Variants in LRRC4C observed in about 807,000 individuals in gnomAD.
LRRC4C encodes leucine rich repeat containing 4C, also known as leucine-rich repeat-containing protein 4C.
In LRRC4C, 5 loss-of-function variants were observed where a neutral mutation model predicts 33.6. That is an observed-to-expected ratio of 0.15 (90% CI 0.08 to 0.31). LRRC4C has a LOEUF of 0.31. Ranked by LOEUF, LRRC4C falls within the 10% of genes least tolerant of loss-of-function variation. The pLI is 1.00. For missense variants in LRRC4C, 560 were observed against 796.7 expected (o/e 0.70, Z 3.58); for synonymous variants, 329 against 302.0 (o/e 1.09, Z -0.93).
At chr11:40,680,042 G>A (rs774728270) in intron 2 of LRRC4C, among the ~76,000 whole-genome samples, 47 of 152,144 alleles carry the variant, frequency 3.1e-4, no homozygotes, top group Admixed American at 5.2e-4. Context: ...CAAGATTATG[G>A]GAACCCACCT....
rs71063914 is a variant in LRRC4C at position 41,350,509 on chromosome 11, C to CAAAA, written c.-496+108918_-496+108921dup. On this transcript the variant is annotated intron_variant, in intron 1 of 6. Coordinates refer to ENST00000528697, the MANE Select transcript of LRRC4C (RefSeq NM_001258419.2). ...TGGGCGACAGAGCAAGACTCCATCT[C>CAAAA]AAAAAAAAAAAAAAAAAAGAAAGAA... is the stretch of plus-strand genomic sequence containing the variant. Among the ~76,000 whole-genome samples, 276 of 106,380 alleles carry CAAAA rather than the reference C, an allele frequency of 2.6e-3. 3 individuals carry two copies. The highest frequency in any genetic ancestry group is 5.4e-3 in the African/African-American group (148 of 27,336). 69.8% of individuals were successfully genotyped at this position (106,380 alleles called of 152,430 possible).
intron 3 of LRRC4C, among the ~76,000 whole-genome samples, chr11:40,472,646 C>T (rs1307441461): frequency 2.0e-5 from 3 of 151,272 alleles, no homozygotes; most frequent in Non-Finnish European, 4.4e-5. Context: ...CACAAATAAC[C>T]CCTCAAAAAA....
At chr11:41,396,003 C>A (rs1259574336) in intron 1 of LRRC4C, among the ~76,000 whole-genome samples, 2 of 152,036 alleles carry the variant, frequency 1.3e-5, no homozygotes, top group Non-Finnish European at 2.9e-5. Context: ...TGCGGCCCAA[C>A]ACAAGGTCAT....
intron 2 of LRRC4C, among the ~76,000 whole-genome samples, chr11:40,742,121 C>A (rs997531630): frequency 1.3e-5 from 2 of 152,082 alleles, no homozygotes. Context: ...CAAATCAGCC[C>A]AAATCCTGTT....
intron 1 of LRRC4C, among the ~76,000 whole-genome samples, chr11:41,124,091 C>T (rs4756636): frequency 0.32 from 48,639 of 152,006 alleles, 9,434 homozygotes; most frequent in East Asian, 0.45. Context: ...TTTATCTTTA[C>T]AAGAATTCAA....
intron 2 of LRRC4C, among the ~76,000 whole-genome samples, chr11:40,658,921 T>C (rs1943271097): frequency 6.6e-6 from 1 of 152,196 alleles, no homozygotes; most frequent in South Asian, 2.1e-4. Flanking sequence ...GAGGAACTGC[T>C]GGGGCTGCAT....
At chr11:41,099,667 A>C in intron 1 of LRRC4C, among the ~76,000 whole-genome samples, 1 of 152,282 alleles carries the variant, frequency 6.6e-6, no homozygotes, top group South Asian at 2.1e-4. Flanking sequence ...CTCTCTATAA[A>C]CCAGATATTA....
chr11:41,164,716 C>G (rs1177049856), intron 1 of LRRC4C, among the ~76,000 whole-genome samples: 1 of 152,094 alleles, frequency 6.6e-6, no homozygotes, highest in African/African-American at 2.4e-5. Context: ...TTGGGAGAAG[C>G]TGAGGCAGGG....
chr11:40,430,597 A>G (rs550181575), intron 3 of LRRC4C, among the ~76,000 whole-genome samples: 2 of 152,266 alleles, frequency 1.3e-5, no homozygotes, highest in Admixed American at 1.3e-4. Flanking sequence ...GGAACTGGCA[A>G]AAGAGACTTT....
At chr11:40,505,245 C>T (rs565617142) in intron 3 of LRRC4C, among the ~76,000 whole-genome samples, 27 of 152,250 alleles carry the variant, frequency 1.8e-4, no homozygotes, top group African/African-American at 6.3e-4. Context: ...ATGGCTTATG[C>T]TTTCTCTGAT....
rs565591047 is a variant in LRRC4C, at chr11:40,568,091, C to T, written c.-270+80051G>A. ...GCTGGACCTCAGGACATGCTTCAAA[C>T]GAACAGATCATAATAGAAGTGATGG... On this transcript the variant is annotated intron_variant, in intron 3 of 6. Coordinates refer to ENST00000528697, the MANE Select transcript of LRRC4C (RefSeq NM_001258419.2). Among the ~76,000 whole-genome samples the T allele has an allele frequency of 9.9e-5, 15 of 152,248 alleles. No individual in the cohort carries two copies. The South Asian group carries it at 2.1e-3, about 21-fold the overall frequency.
intron 1 of LRRC4C, among the ~76,000 whole-genome samples, chr11:41,385,590 T>A (rs1440733692): frequency 6.6e-6 from 1 of 151,730 alleles, no homozygotes; most frequent in Non-Finnish European, 1.5e-5. Flanking sequence ...ATATATCTAT[T>A]CATGCTTGTG....
chr11:41,341,805 A>C (rs1281568830), intron 1 of LRRC4C, among the ~76,000 whole-genome samples: 2 of 152,236 alleles, frequency 1.3e-5, no homozygotes, highest in Non-Finnish European at 2.9e-5. Context: ...GATTCTGGCC[A>C]TAATCTCTAT....
At chr11:40,185,221 T>G (rs1201206760) in intron 5 of LRRC4C, among the ~76,000 whole-genome samples, 1 of 152,324 alleles carries the variant, frequency 6.6e-6, no homozygotes, top group African/African-American at 2.4e-5. Context: ...TGTATTCATT[T>G]ATAATAACTC....
chr11:40,655,327 G>A (rs1357458468), intron 2 of LRRC4C, among the ~76,000 whole-genome samples: 30 of 152,316 alleles, frequency 2.0e-4, no homozygotes, highest in Non-Finnish European at 1.0e-4. Flanking sequence ...CTATTTGAAT[G>A]ATCAAGTGCC....
At chr11:40,330,435 C>T (rs934492891) in intron 3 of LRRC4C, among the ~76,000 whole-genome samples, 2 of 152,162 alleles carry the variant, frequency 1.3e-5, no homozygotes, top group African/African-American at 4.8e-5. Context: ...AGCATATCTA[C>T]AACCTTGAAC....
At chr11:40,885,568 AT>A in intron 2 of LRRC4C, among the ~76,000 whole-genome samples, 1 of 152,116 alleles carries the variant, frequency 6.6e-6, no homozygotes, top group Non-Finnish European at 1.5e-5. Context: ...TCCAAATGGA[AT>A]GGTAAACAGC....
chr11:40,857,070 A>T (rs1953821548), intron 2 of LRRC4C, among the ~76,000 whole-genome samples: 1 of 152,212 alleles, frequency 6.6e-6, no homozygotes, highest in Non-Finnish European at 1.5e-5. Context: ...AATGGGCTAG[A>T]ACTCAGGTTT....
intron 1 of LRRC4C, among the ~76,000 whole-genome samples, chr11:40,965,352 T>C (rs1014014466): frequency 6.6e-6 from 1 of 152,176 alleles, no homozygotes; most frequent in Non-Finnish European, 1.5e-5. Context: ...TCTTTTGCTG[T>C]GCAGAAGCTC....
Sources: gnomAD v4.1 joint callset for allele counts (sites outside exome capture counted in the v4.1 genomes callset) on GRCh38, gnomAD v4.1.1 for gene constraint, MANE v1.5 for transcripts, NCBI Gene and HGNC (gene_info 2026-07-23, HGNC 2026-07-21) for gene names.